Variants in RAPGEF1 observed in about 807,000 individuals in gnomAD.
The protein encoded by RAPGEF1 is Rap guanine nucleotide exchange factor 1.
In RAPGEF1, 33 loss-of-function variants were observed where a neutral mutation model predicts 143.3. That is an observed-to-expected ratio of 0.23 (90% CI 0.17 to 0.31). RAPGEF1 has a LOEUF of 0.31. Ranked by LOEUF, RAPGEF1 falls within the 10% of genes least tolerant of loss-of-function variation. RAPGEF1 has a pLI of 1.00. For missense variants in RAPGEF1, 1,199 were observed against 1,645.4 expected, an observed-to-expected ratio of 0.73 and a Z score of 4.69; for synonymous variants, 629 against 676.5, an observed-to-expected ratio of 0.93 and a Z score of 1.09.
intron 3 of RAPGEF1, 118 bp from the exon 4 acceptor site, chr9:131,643,535 G>T (rs984979356): frequency 4.9e-6 from 5 of 1,024,968 alleles, no homozygotes; most frequent in African/African-American, 3.3e-5. Flanking sequence ...AAAGGCTCTT[G>T]CTACAGAAAC....
intron 1 of RAPGEF1, among the ~76,000 whole-genome samples, chr9:131,700,440 A>G (rs1834544921): frequency 6.6e-6 from 1 of 152,188 alleles, no homozygotes; most frequent in South Asian, 2.1e-4. Flanking sequence ...GTCATCCAAA[A>G]GCCTACATAT....
chr9:131,595,693 G>GGCA (rs1382802915), intron 17 of RAPGEF1, among the ~76,000 whole-genome samples: 4 of 36,060 alleles, frequency 1.1e-4, no homozygotes, highest in Non-Finnish European at 1.9e-4. Flanking sequence ...GACTGGGAAT[G>GGCA]ACTTTGCTAG....
chr9:131,687,132 TAATC>T (rs927945431), intron 1 of RAPGEF1, among the ~76,000 whole-genome samples: 1 of 152,216 alleles, frequency 6.6e-6, no homozygotes, highest in African/African-American at 2.4e-5. Context: ...ATTCAATTCA[TAATC>T]AATCAGTAAT....
intron 1 of RAPGEF1, 135 bp downstream of exon 1, chr9:131,739,635 G>T: frequency 3.3e-6 from 2 of 597,796 alleles, no homozygotes; most frequent in Non-Finnish European, 4.2e-6. Flanking sequence ...GCGCCCCGGC[G>T]AGGCCTCGGT....
At chr9:131,713,906 C>T (rs568794229) in intron 1 of RAPGEF1, among the ~76,000 whole-genome samples, 2 of 152,268 alleles carry the variant, frequency 1.3e-5, no homozygotes, top group African/African-American at 4.8e-5. Flanking sequence ...GCTTTAGATA[C>T]AATACATTGA....
intron 1 of RAPGEF1, among the ~76,000 whole-genome samples, chr9:131,654,721 T>C (rs1398009664): frequency 1.3e-5 from 2 of 152,200 alleles, no homozygotes; most frequent in Non-Finnish European, 2.9e-5. Context: ...ACAAGTTCCC[T>C]GAGGACTGTA....
chr9:131,589,029 G>A, intron 19 of RAPGEF1, 43 bp from the exon 20 acceptor site: 2 of 1,582,424 alleles, frequency 1.3e-6, no homozygotes, highest in Non-Finnish European at 1.7e-6. Flanking sequence ...GGAACGCAAG[G>A]CCCAGGCAGA....
rs781248512 is a variant in RAPGEF1 at position 131,638,630 on chromosome 9, G to A, written c.651+5C>T. 9.3e-6 allele frequency: 15 copies of A among 1,613,656 alleles called. No individual in the cohort carries two copies. The highest frequency in any genetic ancestry group is 3.3e-5 in the Admixed American group (2 of 59,982). ...ACTGGGACTGTCTGGAACCTGCACC[G>A]GTACCTTCACTCCATCCAGCACAGC... is the stretch of plus-strand genomic sequence containing the variant. On this transcript the variant is annotated splice_donor_5th_base_variant and intron_variant, in intron 5 of 26. Transcript: ENST00000683357.
chr9:131,639,467 T>TGTGTGTGTGTGTGTGTGA (rs1233904740), intron 4 of RAPGEF1, among the ~76,000 whole-genome samples: 1 of 143,234 alleles, frequency 7.0e-6, no homozygotes, highest in African/African-American at 2.5e-5. Context: ...TGTGTGTGTG[T>TGTGTGTGTGTGTGTGTGA]GAGAGAGAGA....
intron 10 of RAPGEF1, among the ~76,000 whole-genome samples, chr9:131,622,619 TA>T (rs1402111254): frequency 6.6e-6 from 1 of 152,172 alleles, no homozygotes; most frequent in Non-Finnish European, 1.5e-5. Flanking sequence ...CTTCTTTATT[TA>T]AAAGAATATG....
At chr9:131,724,965 A>G (rs1049914674) in intron 1 of RAPGEF1, among the ~76,000 whole-genome samples, 2 of 152,194 alleles carry the variant, frequency 1.3e-5, no homozygotes, top group Non-Finnish European at 1.5e-5. Flanking sequence ...GAAGAGCTGC[A>G]CTGGGCAGGG....
intron 1 of RAPGEF1, among the ~76,000 whole-genome samples, chr9:131,719,643 C>G (rs1238856767): frequency 1.3e-5 from 2 of 148,792 alleles, no homozygotes; most frequent in Admixed American, 1.4e-4. Context: ...GCACTTAGCC[C>G]ATGCAGTACC....
intron 25 of RAPGEF1, among the ~76,000 whole-genome samples, chr9:131,581,895 T>A (rs566376333): frequency 6.6e-6 from 1 of 152,274 alleles, no homozygotes; most frequent in Admixed American, 6.5e-5. Flanking sequence ...GATTTGTATC[T>A]CTGAGGGTTG....
At chr9:131,638,527 A>C (rs1380773107) in intron 5 of RAPGEF1, 108 bp downstream of exon 5, 1 of 1,279,582 alleles carries the variant, frequency 7.8e-7, no homozygotes, top group African/African-American at 1.5e-5. Context: ...GAGACGCAGA[A>C]AGACATTCTA....
intron 10 of RAPGEF1, among the ~76,000 whole-genome samples, chr9:131,625,496 G>A (rs1484597622): frequency 2.6e-5 from 4 of 152,082 alleles, no homozygotes; most frequent in African/African-American, 9.7e-5. Context: ...GCTCTAGACA[G>A]GGATCCTTAG....
intron 1 of RAPGEF1, among the ~76,000 whole-genome samples, chr9:131,679,261 C>T (rs1588983232): frequency 6.6e-6 from 1 of 152,192 alleles, no homozygotes; most frequent in African/African-American, 2.4e-5. Flanking sequence ...GGAAGACAAG[C>T]CTAAGGGGCC....
At chr9:131,709,406 C>T (rs1835345986) in intron 1 of RAPGEF1, among the ~76,000 whole-genome samples, 1 of 152,194 alleles carries the variant, frequency 6.6e-6, no homozygotes, top group African/African-American at 2.4e-5. Context: ...TCGAGCTGAA[C>T]TAAACTCTCA....
At chr9:131,629,902 A>G (rs998170532) in intron 6 of RAPGEF1, among the ~76,000 whole-genome samples, 8 of 152,290 alleles carry the variant, frequency 5.3e-5, no homozygotes, top group Middle Eastern at 3.4e-3. Context: ...CTCTTGATCA[A>G]ACAAGAGTGC....
intron 1 of RAPGEF1, among the ~76,000 whole-genome samples, chr9:131,733,365 C>CGG (rs56890673): frequency 2.7e-4 from 20 of 75,332 alleles, no homozygotes; most frequent in South Asian, 1.1e-3. Context: ...GGGGCGGGGG[C>CGG]GGGGGGGGGG....
Sources: allele counts gnomAD v4.1 joint callset (sites outside exome capture counted in the v4.1 genomes callset), GRCh38; gene constraint gnomAD v4.1.1; transcripts MANE v1.5; gene names NCBI Gene and HGNC (gene_info 2026-07-23, HGNC 2026-07-21).